Variants in AK5 observed in about 807,000 individuals in gnomAD.
AK5 encodes adenylate kinase 5.
In AK5, 27 loss-of-function variants were observed where a neutral mutation model predicts 69.5. That is an observed-to-expected ratio of 0.39 (90% CI 0.29 to 0.54). AK5 has a LOEUF of 0.54. Ranked by LOEUF, AK5 falls within the 20% of genes least tolerant of loss-of-function variation. AK5 has a pLI of 0.71. For synonymous variants in AK5, 260 were observed against 244.4 expected (o/e 1.06, Z -0.60); for missense variants, 531 against 700.4 (o/e 0.76, Z 2.73).
At chr1:77,292,769 G>A (rs1278970145) in intron 2 of AK5, among the ~76,000 whole-genome samples, 1 of 152,128 alleles carries the variant, frequency 6.6e-6, no homozygotes, top group Admixed American at 6.6e-5. Flanking sequence ...ACCTGTGCTT[G>A]TCTTTCAAAG....
intron 11 of AK5, among the ~76,000 whole-genome samples, chr1:77,519,909 G>A (rs1199102688): frequency 6.6e-6 from 1 of 152,090 alleles, no homozygotes; most frequent in Non-Finnish European, 1.5e-5. Context: ...CTGTGACTTA[G>A]AATGCTTAAC....
intron 10 of AK5, among the ~76,000 whole-genome samples, chr1:77,510,515 T>TA (rs758847233): frequency 6.3e-4 from 95 of 150,434 alleles, no homozygotes; most frequent in Non-Finnish European, 8.4e-4. Context: ...TTTCCGCTGC[T>TA]AAAAAAAAGA....
chr1:77,486,088 C>A (rs987181434), intron 9 of AK5, among the ~76,000 whole-genome samples: 1 of 151,848 alleles, frequency 6.6e-6, no homozygotes, highest in African/African-American at 2.4e-5. Context: ...GCACTCCAGC[C>A]TGAGCAACAG....
intron 8 of AK5, among the ~76,000 whole-genome samples, chr1:77,471,784 A>G (rs1219771110): frequency 6.6e-6 from 1 of 152,232 alleles, no homozygotes; most frequent in Non-Finnish European, 1.5e-5. Context: ...AAAAAGCAAG[A>G]ATAGCAGCAA....
intron 1 of AK5, among the ~76,000 whole-genome samples, chr1:77,284,598 A>C (rs973112003): frequency 6.6e-6 from 1 of 152,108 alleles, no homozygotes; most frequent in Non-Finnish European, 1.5e-5. Context: ...CCACTTTCTT[A>C]TTATTTTGTC....
chr1:77,451,047 G>A (rs1309520450), intron 8 of AK5, among the ~76,000 whole-genome samples: 2 of 151,962 alleles, frequency 1.3e-5, no homozygotes, highest in Admixed American at 1.3e-4. Context: ...ATGATGGTAT[G>A]TGCCTGTAGC....
chr1:77,450,976 G>A (rs1196691328), intron 8 of AK5, among the ~76,000 whole-genome samples: 1 of 152,132 alleles, frequency 6.6e-6, no homozygotes, highest in African/African-American at 2.4e-5. Context: ...AGGAGTTCAA[G>A]ACCAGCCTGG....
At chr1:77,552,103 C>A (rs1659850675) in intron 13 of AK5, among the ~76,000 whole-genome samples, 1 of 152,192 alleles carries the variant, frequency 6.6e-6, no homozygotes, top group Non-Finnish European at 1.5e-5. Context: ...GATTGGGGTG[C>A]TCATCCTCCA....
chr1:77,365,863 T>C (rs1646940878), intron 6 of AK5, among the ~76,000 whole-genome samples: 1 of 152,182 alleles, frequency 6.6e-6, no homozygotes, highest in South Asian at 2.1e-4. Flanking sequence ...GTAATTCTCT[T>C]TTATTTCTAA....
chr1:77,534,211 A>G (rs1308508294), intron 12 of AK5, among the ~76,000 whole-genome samples: 3 of 152,110 alleles, frequency 2.0e-5, no homozygotes, highest in Non-Finnish European at 2.9e-5. Context: ...GCAAGCCTTC[A>G]TTTACTCACA....
At chr1:77,427,132 GAAAA>G (rs1334030653) in intron 8 of AK5, among the ~76,000 whole-genome samples, 1 of 150,652 alleles carries the variant, frequency 6.6e-6, no homozygotes, top group Non-Finnish European at 1.5e-5. Flanking sequence ...GTAAGCCAAA[GAAAA>G]AAAACTAATA....
At chr1:77,377,380 C>G (rs949049564) in intron 6 of AK5, among the ~76,000 whole-genome samples, 1 of 152,136 alleles carries the variant, frequency 6.6e-6, no homozygotes, top group Non-Finnish European at 1.5e-5. Context: ...TCATGCTAGA[C>G]CACCCTCTCT....
chr1:77,351,881 C>CT (rs1467005886), intron 6 of AK5, among the ~76,000 whole-genome samples: 3 of 151,186 alleles, frequency 2.0e-5, no homozygotes, highest in Non-Finnish European at 4.4e-5. Context: ...AAAAATAATC[C>CT]TTTTTTCTGT....
intron 12 of AK5, among the ~76,000 whole-genome samples, chr1:77,533,506 CACCAAAAA>C (rs1437234961): frequency 1.6e-3 from 105 of 67,512 alleles, no homozygotes; most frequent in African/African-American, 5.3e-3. Flanking sequence ...AAGACTCTGT[CACCAAAAA>C]AAAAAAAAAA....
At chr1:77,518,780 T>C in intron 11 of AK5, 53 bp downstream of exon 11, 3 of 1,562,340 alleles carry the variant, frequency 1.9e-6, no homozygotes, top group Non-Finnish European at 2.6e-6. Context: ...GGGGAGACCT[T>C]TGGGGTTTTT....
chr1:77,335,102 G>A (rs545682919), intron 5 of AK5, among the ~76,000 whole-genome samples: 6 of 152,204 alleles, frequency 3.9e-5, no homozygotes, highest in African/African-American at 1.4e-4. Flanking sequence ...AAAGAATAGG[G>A]CAGTCAAAAG....
intron 10 of AK5, among the ~76,000 whole-genome samples, chr1:77,500,212 A>G (rs1016382851): frequency 6.6e-6 from 1 of 152,136 alleles, no homozygotes; most frequent in African/African-American, 2.4e-5. Flanking sequence ...ATCAATGCGG[A>G]GTCTTTATAA....
chr1:77,548,092 G>C (rs1659628697), intron 13 of AK5, among the ~76,000 whole-genome samples: 1 of 152,130 alleles, frequency 6.6e-6, no homozygotes, highest in South Asian at 2.1e-4. Flanking sequence ...AGAATGGAGA[G>C]GAAGAGAAAA....
At chr1:77,444,989 T>G (rs1652656759) in intron 8 of AK5, among the ~76,000 whole-genome samples, 1 of 152,164 alleles carries the variant, frequency 6.6e-6, no homozygotes, top group South Asian at 2.1e-4. Context: ...ATCCATGTTG[T>G]GACAAATGGC....
Sources: allele counts gnomAD v4.1 joint callset (sites outside exome capture counted in the v4.1 genomes callset), GRCh38; gene constraint gnomAD v4.1.1; transcripts MANE v1.5; gene names NCBI Gene and HGNC (gene_info 2026-07-23, HGNC 2026-07-21).